GMDS: variants seen among roughly 807,000 people sequenced by gnomAD.
GMDS encodes the protein GDP-mannose 4,6-dehydratase.
In GMDS, 20 loss-of-function variants were observed where a neutral mutation model predicts 49.9. The observed-to-expected ratio is 0.40, with a 90% CI of 0.28 to 0.58. The LOEUF (loss-of-function observed/expected upper bound fraction) is 0.58, where lower values mean the gene tolerates loss of function less well. Ranked by LOEUF, GMDS falls within the 20% of genes least tolerant of loss-of-function variation. The pLI is 0.42. For missense variants in GMDS, 362 were observed against 481.4 expected, an observed-to-expected ratio of 0.75 and a Z score of 2.32; for synonymous variants, 177 against 178.6, an observed-to-expected ratio of 0.99 and a Z score of 0.07.
intron 1 of GMDS, among the ~76,000 whole-genome samples, chr6:2,215,250 G>T (rs1181828658): frequency 6.6e-6 from 1 of 152,150 alleles, no homozygotes. Context: ...GAGAAAAAGA[G>T]ACAGAGAGAG....
chr6:2,058,148 C>T (rs1770887000), intron 4 of GMDS, among the ~76,000 whole-genome samples: 1 of 152,082 alleles, frequency 6.6e-6, no homozygotes, highest in African/African-American at 2.4e-5. Flanking sequence ...CACTTGAGGT[C>T]AGGGTCCGAG....
At chr6:1,711,909 G>A (rs1016348054) in intron 9 of GMDS, among the ~76,000 whole-genome samples, 1 of 152,184 alleles carries the variant, frequency 6.6e-6, no homozygotes, top group Non-Finnish European at 1.5e-5. Flanking sequence ...TGGCTGCTGA[G>A]AGCAGCACTG....
chr6:2,065,328 C>A (rs1431686583), intron 4 of GMDS, among the ~76,000 whole-genome samples: 1 of 152,202 alleles, frequency 6.6e-6, no homozygotes, highest in Non-Finnish European at 1.5e-5. Context: ...GGGGAAAAAA[C>A]ACAGCAGAAA....
At chr6:1,775,840 ATAGT>A (rs1210306682) in intron 7 of GMDS, among the ~76,000 whole-genome samples, 2 of 152,200 alleles carry the variant, frequency 1.3e-5, no homozygotes, top group Non-Finnish European at 2.9e-5. Context: ...TCTTTACATA[ATAGT>A]TATTTTTTCT....
chr6:1,917,211 T>TA lies in GMDS; in HGVS notation c.771+12891dup, dbSNP rs3837043. Among the ~76,000 whole-genome samples, 941 of 150,378 alleles carry TA rather than the reference T, an allele frequency of 6.3e-3. 40 individuals are homozygous for TA. In the East Asian group the frequency reaches 0.13, roughly 20 times the overall value. ...CTACACAATCAACACTTGAAGTCAC[T>TA]AAAAAAAAATGACTTTAAAAATCTC... On this transcript the variant is annotated intron_variant, in intron 7 of 10. Coordinates refer to ENST00000380815, the MANE Select transcript of GMDS (RefSeq NM_001500.4).
At chr6:2,084,592 C>A (rs945123905) in intron 4 of GMDS, among the ~76,000 whole-genome samples, 11 of 152,068 alleles carry the variant, frequency 7.2e-5, no homozygotes, top group Non-Finnish European at 1.3e-4. Flanking sequence ...CTGCAAGCTC[C>A]GCCTCCCGGG....
rs77418687 is a variant in GMDS at position 2,006,502 on chromosome 6, C to T, written c.346-45536G>A. On this transcript the variant is annotated intron_variant, in intron 4 of 10. Transcript: ENST00000380815. ...CTGGTTTCTGGCATGAAGGAAAAAG[C>T]GCTGGGTTCTAAATCTCTGCTCATA... Among the ~76,000 whole-genome samples, 861 of 152,168 alleles carry T rather than the reference C, an allele frequency of 5.7e-3. 6 individuals are homozygous for T. The highest frequency in any genetic ancestry group is 0.019 in the African/African-American group (793 of 41,526).
At chr6:2,130,931 T>C (rs1387872623) in intron 1 of GMDS, among the ~76,000 whole-genome samples, 1 of 151,630 alleles carries the variant, frequency 6.6e-6, no homozygotes, top group Non-Finnish European at 1.5e-5. Flanking sequence ...GTGGCCTTAA[T>C]TTTTTTTTCA....
rs373428940 is a variant in GMDS at position 1,769,564 on chromosome 6, A to G, written c.772-26978T>C. 1.5e-4 allele frequency among the ~76,000 whole-genome samples: 23 copies of G among 152,366 alleles called. 1 individual carries two copies. The highest frequency in any genetic ancestry group is 5.5e-4 in the African/African-American group (23 of 41,594). On this transcript the variant is annotated intron_variant, in intron 7 of 10. Transcript: ENST00000380815. ...CAGTGAAATCCTCAGCCACTTAACGAGGCTATTAATTGGCCAGGAGGAAGA... is the reference window on the plus strand; with the variant it reads ...CAGTGAAATCCTCAGCCACTTAACGGGGCTATTAATTGGCCAGGAGGAAGA...
chr6:1,937,048 C>T (rs1561905189), intron 6 of GMDS, among the ~76,000 whole-genome samples: 1 of 151,872 alleles, frequency 6.6e-6, no homozygotes, highest in Admixed American at 6.6e-5. Flanking sequence ...TTTACTTTAC[C>T]TTTTCTATGT....
intron 7 of GMDS, among the ~76,000 whole-genome samples, chr6:1,815,040 T>C (rs1770599328): frequency 6.6e-6 from 1 of 152,206 alleles, no homozygotes; most frequent in Non-Finnish European, 1.5e-5. Context: ...CACATAATCA[T>C]GTTATAAAAC....
intron 9 of GMDS, among the ~76,000 whole-genome samples, chr6:1,708,012 A>G (rs1228099828): frequency 6.6e-6 from 1 of 152,220 alleles, no homozygotes; most frequent in African/African-American, 2.4e-5. Context: ...GTTATTAAAC[A>G]TTTTCTGGAG....
chr6:2,135,812 T>G (rs989659524), intron 1 of GMDS, among the ~76,000 whole-genome samples: 3 of 152,202 alleles, frequency 2.0e-5, no homozygotes, highest in African/African-American at 7.2e-5. Context: ...ATCTAGAATG[T>G]TTTATGCACA....
At chr6:1,849,912 G>A (rs1757582402) in intron 7 of GMDS, among the ~76,000 whole-genome samples, 1 of 152,132 alleles carries the variant, frequency 6.6e-6, no homozygotes. Context: ...AAAAAAGTGG[G>A]TGTTTTTTGC....
chr6:2,042,600 T>C (rs551366111), intron 4 of GMDS, among the ~76,000 whole-genome samples: 4 of 152,310 alleles, frequency 2.6e-5, no homozygotes, highest in South Asian at 2.1e-4. Context: ...ATTTAAAAAG[T>C]TGTAGCTTAA....
At chr6:1,926,878 A>G (rs980566114) in intron 7 of GMDS, among the ~76,000 whole-genome samples, 3 of 152,250 alleles carry the variant, frequency 2.0e-5, no homozygotes, top group Non-Finnish European at 4.4e-5. Flanking sequence ...CACAAGACCC[A>G]CTTGTATTAT....
intron 1 of GMDS, among the ~76,000 whole-genome samples, chr6:2,204,652 G>A (rs946905240): frequency 2.0e-5 from 3 of 152,178 alleles, no homozygotes; most frequent in African/African-American, 7.2e-5. Context: ...GTGGCTAGAG[G>A]CTGTTATTTC....
intron 7 of GMDS, among the ~76,000 whole-genome samples, chr6:1,764,052 C>T (rs1013766410): frequency 2.6e-5 from 4 of 151,826 alleles, no homozygotes; most frequent in Admixed American, 1.3e-4. Context: ...TACATCTCCT[C>T]GTAGTGCTAC....
Position 2,231,874 on chromosome 6 carries a change from G to A in GMDS, c.102+13447C>T, listed in dbSNP as rs151218051. 2.2e-4 allele frequency among the ~76,000 whole-genome samples: 34 copies of A among 152,180 alleles called. No homozygotes were observed. In the East Asian group the frequency reaches 2.7e-3, roughly 12 times the overall value. On this transcript the variant is annotated intron_variant, in intron 1 of 10. Transcript: ENST00000380815. ...CCTATCCCCAAGAAGTTCATATTTC[G>A]GTTCTGAGCAAATGAAATCAGATAA...
Sources: gnomAD v4.1 joint callset for allele counts (sites outside exome capture counted in the v4.1 genomes callset) on GRCh38, gnomAD v4.1.1 for gene constraint, MANE v1.5 for transcripts, NCBI Gene and HGNC (gene_info 2026-07-23, HGNC 2026-07-21) for gene names.